Variants in SMCHD1 observed in about 807,000 individuals in gnomAD.
SMCHD1 encodes the protein structural maintenance of chromosomes flexible hinge domain containing 1, also known as structural maintenance of chromosomes flexible hinge domain-containing protein 1.
A neutral mutation model predicts 254.7 loss-of-function variants in SMCHD1; 78 were observed. The observed-to-expected ratio is 0.31, with a 90% CI of 0.26 to 0.37. The LOEUF (loss-of-function observed/expected upper bound fraction) is 0.37. SMCHD1 is among the 10% of genes least tolerant of loss of function. The pLI is 1.00. For missense variants in SMCHD1, 1,840 were observed against 2,408.1 expected (o/e 0.76, Z 4.94); for synonymous variants, 766 against 794.9 (o/e 0.96, Z 0.61).
intron 19 of SMCHD1, among the ~76,000 whole-genome samples, chr18:2,720,595 G>C (rs1425742790): frequency 6.6e-6 from 1 of 152,130 alleles, no homozygotes; most frequent in African/African-American, 2.4e-5. Context: ...AGATTCCCCG[G>C]AGTGGAGCCT....
chr18:2,738,024 C>G (rs1165434658), intron 25 of SMCHD1, among the ~76,000 whole-genome samples: 1 of 152,238 alleles, frequency 6.6e-6, no homozygotes. Context: ...TCATTGAAAG[C>G]TTTCCCATAA....
At chr18:2,747,395 T>C in intron 29 of SMCHD1, 127 bp from the exon 30 acceptor site, 1 of 779,404 alleles carries the variant, frequency 1.3e-6, no homozygotes, top group Non-Finnish European at 1.9e-6. Flanking sequence ...TTCATTTTCA[T>C]TGACCAAAGA....
chr18:2,730,248 G>A (rs1258203820), intron 24 of SMCHD1, among the ~76,000 whole-genome samples: 2 of 152,148 alleles, frequency 1.3e-5, no homozygotes, highest in South Asian at 2.1e-4. Flanking sequence ...TCAGCTCACT[G>A]CAAGCTCTGC....
Position 2,804,563 on chromosome 18 carries a change from T to TC in SMCHD1, c.*2013dup, listed in dbSNP as rs1476662515. 2.6e-5 allele frequency: 4 copies of TC among 152,170 alleles called. No homozygotes were observed. Among genetic ancestry groups the TC allele is most frequent in the African/African-American group, 9.6e-5 (4 of 41,454 alleles). 9.4% of individuals were successfully genotyped at this position (152,170 alleles called of 1,614,324 possible). A position where few individuals can be genotyped will look rare whatever the true frequency, so the allele number is the denominator to read the frequency against. On this transcript the variant is annotated 3_prime_UTR_variant, in exon 48 of 48. Transcript: ENST00000320876. ...AAAAGAAGGTTTTTAAGTATGAATC[T>TC]CCATTTTTGTGGAGTTTTTCTACCC...
chr18:2,708,018 T>TA, intron 17 of SMCHD1, 98 bp downstream of exon 17: 1 of 645,528 alleles, frequency 1.5e-6, no homozygotes, highest in Non-Finnish European at 2.4e-6. Context: ...AGCAATCTGA[T>TA]AGGCATAGCA....
chr18:2,750,242 T>C, intron 31 of SMCHD1, 108 bp from the exon 32 acceptor site: 2 of 1,399,344 alleles, frequency 1.4e-6, no homozygotes, highest in Non-Finnish European at 1.9e-6. Flanking sequence ...TGGGACTGAA[T>C]AGAAGTTGAG....
At chr18:2,779,395 G>A (rs1319919734) in intron 44 of SMCHD1, among the ~76,000 whole-genome samples, 1 of 152,184 alleles carries the variant, frequency 6.6e-6, no homozygotes, top group Non-Finnish European at 1.5e-5. Context: ...AGATAGAGTA[G>A]GGTAATGCCA....
intron 34 of SMCHD1, 162 bp downstream of exon 34, chr18:2,752,714 C>T (rs2075597838): frequency 7.2e-6 from 4 of 551,848 alleles, no homozygotes; most frequent in South Asian, 6.8e-5. Context: ...GGTGTGTTTT[C>T]GTTTTTAAGC....
At chr18:2,689,761 A>G (rs2074132385) in intron 7 of SMCHD1, among the ~76,000 whole-genome samples, 1 of 150,612 alleles carries the variant, frequency 6.6e-6, no homozygotes, top group African/African-American at 2.4e-5. Context: ...CAGTCCTGTA[A>G]TACCAGTACT....
Position 2,672,302 on chromosome 18 carries a change from C to A in SMCHD1, c.425-979C>A, listed in dbSNP as rs2073629952. 2.0e-5 allele frequency among the ~76,000 whole-genome samples: 3 copies of A among 152,256 alleles called. 1 individual carries two copies. The highest frequency in any genetic ancestry group is 4.4e-5 in the Non-Finnish European group (3 of 68,020). On this transcript the variant is annotated intron_variant, in intron 3 of 47. Transcript: ENST00000320876. ...AGTGCAGTGGTGCAATCTTGGCTCA[C>A]TGCAACCTCTGCCTCCCAGGTTCAA...
At chr18:2,697,548 A>G (rs563904551) in intron 9 of SMCHD1, among the ~76,000 whole-genome samples, 52 of 152,200 alleles carry the variant, frequency 3.4e-4, no homozygotes, top group South Asian at 6.2e-4. Context: ...CCCACTTCCT[A>G]CCTCTAGCAA....
At chr18:2,729,493 ATTG>A in intron 24 of SMCHD1, 84 bp downstream of exon 24, 1 of 1,040,624 alleles carries the variant, frequency 9.6e-7, no homozygotes, top group Non-Finnish European at 1.3e-6. Flanking sequence ...TTTTTGCAAA[ATTG>A]TTAACTTCTG....
chr18:2,677,292 G>A (rs1174686082), intron 5 of SMCHD1, among the ~76,000 whole-genome samples: 2 of 152,098 alleles, frequency 1.3e-5, no homozygotes, highest in Non-Finnish European at 2.9e-5. Flanking sequence ...TTCAAAACAA[G>A]TTATAAATGT....
At chr18:2,696,891 C>T in intron 8 of SMCHD1, 141 bp from the exon 9 acceptor site, 2 of 432,610 alleles carry the variant, frequency 4.6e-6, no homozygotes, top group South Asian at 3.9e-5. Context: ...TTGTTTTTAC[C>T]ATTAAATGGA....
intron 5 of SMCHD1, among the ~76,000 whole-genome samples, chr18:2,686,038 C>A (rs1210477316): frequency 6.6e-6 from 1 of 152,108 alleles, no homozygotes; most frequent in Non-Finnish European, 1.5e-5. Flanking sequence ...GTTTTCCTTT[C>A]TGAAGCTCTT....
intron 17 of SMCHD1, among the ~76,000 whole-genome samples, chr18:2,710,234 T>C (rs1028183078): frequency 1.3e-5 from 2 of 152,240 alleles, no homozygotes; most frequent in Non-Finnish European, 2.9e-5. Flanking sequence ...CTGGGCTCCC[T>C]GTTCCCTAGG....
intron 45 of SMCHD1, among the ~76,000 whole-genome samples, chr18:2,794,177 A>G (rs549449848): frequency 6.6e-6 from 1 of 152,292 alleles, no homozygotes; most frequent in Non-Finnish European, 1.5e-5. Flanking sequence ...TAAACTGGAT[A>G]GGCCAGTGGG....
At chr18:2,781,153 C>G (rs1339298904) in intron 44 of SMCHD1, among the ~76,000 whole-genome samples, 2 of 152,224 alleles carry the variant, frequency 1.3e-5, no homozygotes, top group East Asian at 3.8e-4. Context: ...GGGACACCCC[C>G]TCTGTGGGGG....
In SMCHD1 at chr18:2,729,414, G is replaced by A; in HGVS notation, c.3048+5G>A. 1 of 1,502,388 alleles carries A rather than the reference G, an allele frequency of 6.7e-7. No individual in the cohort carries two copies. The highest frequency in any genetic ancestry group is 8.9e-7 in the Non-Finnish European group (1 of 1,127,406). The allele number at this position is 1,502,388 out of a possible 1,614,324, so 93.1% of individuals were successfully genotyped here. A position where few individuals can be genotyped will look rare whatever the true frequency, so the allele number is the denominator to read the frequency against. On this transcript the variant is annotated splice_donor_5th_base_variant and intron_variant, in intron 24 of 47. Coordinates refer to ENST00000320876, the MANE Select transcript of SMCHD1 (RefSeq NM_015295.3). ...AAAGCAAGAATTGAAATACCTGTAA[G>A]TTATTATTGTTACTCATTGATATTA...
Sources: allele counts gnomAD v4.1 joint callset (sites outside exome capture counted in the v4.1 genomes callset), GRCh38; gene constraint gnomAD v4.1.1; transcripts MANE v1.5; gene names NCBI Gene and HGNC (gene_info 2026-07-23, HGNC 2026-07-21).